CDH13: variants seen among roughly 807,000 people sequenced by gnomAD.
CDH13 encodes the protein cadherin 13.
Under a neutral mutation model 63.8 loss-of-function variants are expected in CDH13, and 24 were observed. The ratio of observed to expected loss-of-function variants is 0.38; its 90% CI spans 0.27 to 0.53. CDH13 has a LOEUF of 0.53. Among genes scored for constraint, CDH13 ranks in the 20% least tolerant of loss-of-function variants. The pLI is 0.85. For synonymous variants in CDH13, 503 were observed against 355.3 expected (o/e 1.42, Z -4.67); for missense variants, 1,049 against 903.1 (o/e 1.16, Z -2.07).
chr16:83,041,927 G>C (rs968435809), intron 3 of CDH13, among the ~76,000 whole-genome samples: 1 of 152,172 alleles, frequency 6.6e-6, no homozygotes, highest in Non-Finnish European at 1.5e-5. Context: ...ATTCTTAAGT[G>C]AAGTAGCCAG....
chr16:83,709,026 AAAATT>A (rs937028164), intron 10 of CDH13, among the ~76,000 whole-genome samples: 133 of 152,344 alleles, frequency 8.7e-4, no homozygotes, highest in Middle Eastern at 3.4e-3. Flanking sequence ...CCTGTCTCAA[AAAATT>A]AAATTAAAAA....
chr16:82,803,520 G>T (rs34632556), intron 1 of CDH13, among the ~76,000 whole-genome samples: 10,925 of 152,172 alleles, frequency 0.072, 512 homozygotes, highest in South Asian at 0.11. Context: ...TTTTCTGAAT[G>T]GGAAGTTTAG....
chr16:83,323,229 T>TCTTTCTTTCCTTC (rs2090278706), intron 5 of CDH13, among the ~76,000 whole-genome samples: 1 of 149,184 alleles, frequency 6.7e-6, no homozygotes, highest in Non-Finnish European at 1.5e-5. Context: ...TTTCTTTCTT[T>TCTTTCTTTCCTTC]CTTTCTTTCT....
rs144035853 is a variant in CDH13, at chr16:82,882,774, C to T, written c.157+24301C>T. The stretch of plus-strand genomic sequence containing the variant: ...ATTTAATTTTAAAAATTTATTCATA[C>T]GCTTGGTAAGATTTTTACCAAGCCA... On this transcript the variant is annotated intron_variant, in intron 2 of 13. Transcript: ENST00000567109. 2.2e-4 allele frequency among the ~76,000 whole-genome samples: 33 copies of T among 152,054 alleles called. No homozygotes were observed. The East Asian group carries it at 3.1e-3, about 14-fold the overall frequency.
intron 1 of CDH13, among the ~76,000 whole-genome samples, chr16:82,783,739 T>A (rs1043830201): frequency 4.6e-5 from 7 of 152,098 alleles, no homozygotes; most frequent in Non-Finnish European, 1.0e-4. Flanking sequence ...GGCAAGGGCT[T>A]CTCCACACCT....
intron 3 of CDH13, among the ~76,000 whole-genome samples, chr16:83,035,851 C>T (rs186229368): frequency 2.6e-5 from 4 of 152,134 alleles, no homozygotes; most frequent in Non-Finnish European, 5.9e-5. Flanking sequence ...TTCAATGAGA[C>T]GATACATGTA....
intron 2 of CDH13, among the ~76,000 whole-genome samples, chr16:82,866,850 C>T (rs994243741): frequency 4.6e-5 from 7 of 152,160 alleles, no homozygotes; most frequent in Admixed American, 3.3e-4. Context: ...AACTCACTAT[C>T]ACGAGAGCAG....
intron 6 of CDH13, among the ~76,000 whole-genome samples, chr16:83,354,391 A>C (rs1597816310): frequency 6.6e-6 from 1 of 152,192 alleles, no homozygotes; most frequent in African/African-American, 2.4e-5. Flanking sequence ...TCATTCAACA[A>C]GTATTTATCG....
intron 3 of CDH13, among the ~76,000 whole-genome samples, chr16:83,061,076 G>C (rs543258825): frequency 6.6e-6 from 1 of 152,146 alleles, no homozygotes; most frequent in African/African-American, 2.4e-5. Flanking sequence ...AAGGTATTGC[G>C]CTCTCCATTT....
intron 1 of CDH13, among the ~76,000 whole-genome samples, chr16:82,804,233 A>C (rs1029423135): frequency 8.4e-6 from 1 of 119,028 alleles, no homozygotes; most frequent in Non-Finnish European, 1.7e-5. Context: ...TCTCAAAAAA[A>C]AAAATGTGTT....
At chr16:82,948,644 A>C (rs1223283085) in intron 2 of CDH13, among the ~76,000 whole-genome samples, 1 of 152,216 alleles carries the variant, frequency 6.6e-6, no homozygotes, top group Non-Finnish European at 1.5e-5. Context: ...GTTCCAGGAC[A>C]CAGCCTAATG....
intron 5 of CDH13, among the ~76,000 whole-genome samples, chr16:83,240,966 C>T (rs903620370): frequency 1.3e-5 from 2 of 152,048 alleles, no homozygotes; most frequent in African/African-American, 4.8e-5. Context: ...AAACTTTATA[C>T]CCATTAAACA....
In CDH13 at chr16:83,135,514, A is replaced by T. The variant is rs528295051; in HGVS notation, c.483+10013A>T. On this transcript the variant is annotated intron_variant, in intron 4 of 13. Coordinates refer to ENST00000567109, the MANE Select transcript of CDH13 (RefSeq NM_001257.5). Reference sequence around the variant, plus strand: ...TGCAAAACAGTCTATTTGTGGTACAAACTGAGTTGCCTTTCTGTGTCACCT... The same window carrying T: ...TGCAAAACAGTCTATTTGTGGTACATACTGAGTTGCCTTTCTGTGTCACCT... Among the ~76,000 whole-genome samples, 6 of 152,340 alleles carry T rather than the reference A, an allele frequency of 3.9e-5. No homozygotes were observed. In the East Asian group the frequency reaches 1.2e-3, roughly 29 times the overall value.
At chr16:82,872,114 C>G (rs1396867526) in intron 2 of CDH13, among the ~76,000 whole-genome samples, 1 of 152,208 alleles carries the variant, frequency 6.6e-6, no homozygotes, top group Non-Finnish European at 1.5e-5. Flanking sequence ...GGGTATTGTG[C>G]TCTGTTGCTA....
chr16:83,355,013 G>A (rs1249758624), intron 6 of CDH13, among the ~76,000 whole-genome samples: 1 of 152,184 alleles, frequency 6.6e-6, no homozygotes, highest in Non-Finnish European at 1.5e-5. Flanking sequence ...AAAGTTTGCA[G>A]ACCCCTGGCT....
intron 3 of CDH13, among the ~76,000 whole-genome samples, chr16:83,048,868 C>G (rs868044777): frequency 1.6e-4 from 25 of 152,132 alleles, no homozygotes; most frequent in African/African-American, 4.6e-4. Context: ...CTTCAAATCG[C>G]TGCCTCCCTT....
chr16:83,432,976 A>C (rs1291823575), intron 6 of CDH13, among the ~76,000 whole-genome samples: 1 of 152,204 alleles, frequency 6.6e-6, no homozygotes, highest in Non-Finnish European at 1.5e-5. Context: ...GCCATGGGCT[A>C]AGGAGTATTA....
At chr16:83,735,682 T>C (rs2150956564) in intron 10 of CDH13, 1 of 152,324 alleles carries the variant, frequency 6.6e-6, no homozygotes, top group East Asian at 1.9e-4. Flanking sequence ...ACCCTACATC[T>C]TTTGTGAGAT....
chr16:82,655,557 G>A (rs373919368), intron 1 of CDH13, among the ~76,000 whole-genome samples: 3 of 152,138 alleles, frequency 2.0e-5, no homozygotes, highest in African/African-American at 7.2e-5. Context: ...GAGGGTGTGC[G>A]TGTGATGCTG....
Sources: allele counts gnomAD v4.1 joint callset (sites outside exome capture counted in the v4.1 genomes callset), GRCh38; gene constraint gnomAD v4.1.1; transcripts MANE v1.5; gene names NCBI Gene and HGNC (gene_info 2026-07-23, HGNC 2026-07-21).